EYS: variants seen among roughly 807,000 people sequenced by gnomAD.
The protein encoded by EYS is EGF-like photoreceptor maintenance factor, also known as protein eyes shut homolog.
In EYS, 250 loss-of-function variants were observed where a neutral mutation model predicts 282.1. The observed-to-expected ratio is 0.89, with a 90% confidence interval of 0.80 to 0.98. The LOEUF (loss-of-function observed/expected upper bound fraction) is 0.98, where lower values mean the gene tolerates loss of function less well. Among genes scored for constraint, EYS ranks in the 50% least tolerant of loss-of-function variants. EYS has a pLI of 0.00. For missense variants in EYS, 4,016 were observed against 3,709.0 expected, an observed-to-expected ratio of 1.08 and a Z score of -2.15; for synonymous variants, 1,355 against 1,282.9, an observed-to-expected ratio of 1.06 and a Z score of -1.20.
chr6:65,592,268 A>G (rs1176974600), intron 2 of EYS, among the ~76,000 whole-genome samples: 1 of 151,994 alleles, frequency 6.6e-6, no homozygotes, highest in African/African-American at 2.4e-5. Flanking sequence ...TTGATTGATT[A>G]ATTTTGGATT....
At chr6:64,506,887 C>A (rs1777225227) in intron 26 of EYS, among the ~76,000 whole-genome samples, 2 of 121,636 alleles carry the variant, frequency 1.6e-5, no homozygotes, top group Non-Finnish European at 3.2e-5. Context: ...CCAACCTGGG[C>A]GATAAAGCGA....
intron 29 of EYS, among the ~76,000 whole-genome samples, chr6:64,350,522 A>G (rs1298220748): frequency 1.3e-5 from 2 of 151,498 alleles, no homozygotes. Context: ...ATCTGGGCAT[A>G]AGAGGCTGAT....
At chr6:64,079,724 C>A (rs1771896861) in intron 32 of EYS, among the ~76,000 whole-genome samples, 1 of 152,122 alleles carries the variant, frequency 6.6e-6, no homozygotes, top group African/African-American at 2.4e-5. Context: ...GCTCCCCGCT[C>A]CCCTGATACC....
chr6:64,417,977 T>C (rs34720667), intron 28 of EYS, among the ~76,000 whole-genome samples: 42,194 of 152,150 alleles, frequency 0.28, 5,978 homozygotes, highest in East Asian at 0.46. Context: ...TGGCCTACGG[T>C]CTTGCTATTA....
chr6:65,395,514 G>C (rs1301092086), intron 7 of EYS, among the ~76,000 whole-genome samples: 1 of 152,148 alleles, frequency 6.6e-6, no homozygotes, highest in Non-Finnish European at 1.5e-5. Context: ...ACCTTGCACA[G>C]TTATCATTTG....
intron 12 of EYS, among the ~76,000 whole-genome samples, chr6:65,181,450 T>C (rs917183578): frequency 1.3e-5 from 2 of 151,998 alleles, no homozygotes; most frequent in Non-Finnish European, 2.9e-5. Context: ...AAAAGACACA[T>C]GAAAAAATGC....
intron 15 of EYS, among the ~76,000 whole-genome samples, chr6:64,945,130 A>G (rs192048111): frequency 0.013 from 1,895 of 151,128 alleles, 18 homozygotes; most frequent in African/African-American, 0.044. Flanking sequence ...CTATTAAAAA[A>G]AAAAAAAAAA....
intron 22 of EYS, among the ~76,000 whole-genome samples, chr6:64,633,407 T>C (rs969963692): frequency 6.6e-5 from 10 of 152,080 alleles, no homozygotes; most frequent in African/African-American, 2.4e-4. Flanking sequence ...TTAAACTTCA[T>C]TAATTTGAAA....
At chr6:64,211,920 A>T (rs1168525176) in intron 31 of EYS, among the ~76,000 whole-genome samples, 1 of 151,788 alleles carries the variant, frequency 6.6e-6, no homozygotes, top group Non-Finnish European at 1.5e-5. Context: ...GTTTGAGACC[A>T]GCTTGGCCAA....
intron 5 of EYS, among the ~76,000 whole-genome samples, chr6:65,410,506 A>T (rs1289726686): frequency 2.6e-5 from 4 of 151,276 alleles, no homozygotes; most frequent in Admixed American, 2.6e-4. Flanking sequence ...ATCTCATTGT[A>T]CTTTGTACCT....
intron 31 of EYS, among the ~76,000 whole-genome samples, chr6:64,100,569 G>T (rs75906481): frequency 0.02 from 3,080 of 151,844 alleles, 81 homozygotes; most frequent in African/African-American, 0.061. Context: ...TTATTATGTG[G>T]TTTTTTTATT....
At chr6:64,605,947 G>T (rs1177275903) in intron 24 of EYS, among the ~76,000 whole-genome samples, 6 of 151,892 alleles carry the variant, frequency 4.0e-5, no homozygotes, top group Admixed American at 2.6e-4. Flanking sequence ...CTGCTCATAA[G>T]AAAAGACATT....
intron 31 of EYS, among the ~76,000 whole-genome samples, chr6:64,210,286 A>C (rs553282568): frequency 6.6e-6 from 1 of 152,280 alleles, no homozygotes; most frequent in Non-Finnish European, 1.5e-5. Flanking sequence ...TAGCTTAAAA[A>C]ATATTTATTT....
Position 64,818,280 on chromosome 6 carries a change from T to C in EYS, c.3243+3365A>G, listed in dbSNP as rs533136128. On this transcript the variant is annotated intron_variant, in intron 21 of 42. Coordinates refer to ENST00000503581, the MANE Select transcript of EYS (RefSeq NM_001142800.2). ...CATTTTTTTCACTAGTCATGGCATA[T>C]GTTCTCTCCCCAGGCATGCATTTGC... 4.6e-5 allele frequency among the ~76,000 whole-genome samples: 7 copies of C among 152,300 alleles called. 1 individual carries two copies. The highest frequency in any genetic ancestry group is 1.7e-4 in the African/African-American group (7 of 41,582).
chr6:65,012,133 A>G (rs1452357795), intron 13 of EYS, among the ~76,000 whole-genome samples: 3 of 152,222 alleles, frequency 2.0e-5, no homozygotes, highest in Non-Finnish European at 4.4e-5. Context: ...TCTTAATAGA[A>G]ATACTTCAAT....
In EYS at chr6:65,287,654, G is replaced by A. The variant is rs144536732; in HGVS notation, c.2023+8209C>T. Reference sequence around the variant, plus strand: ...ATTCTGAAAAAAAACGAAACAAAACGTGTTGTACTAAAGAGCTGCCATCTA... The same window carrying A: ...ATTCTGAAAAAAAACGAAACAAAACATGTTGTACTAAAGAGCTGCCATCTA... On this transcript the variant is annotated intron_variant, in intron 12 of 42. Coordinates refer to ENST00000503581, the MANE Select transcript of EYS (RefSeq NM_001142800.2). Among the ~76,000 whole-genome samples the A allele has an allele frequency of 3.0e-3, 455 of 151,368 alleles. 2 individuals are homozygous for A. The highest frequency in any genetic ancestry group is 0.01 in the African/African-American group (418 of 41,432).
chr6:65,477,010 G>C (rs763317698), intron 5 of EYS, among the ~76,000 whole-genome samples: 3 of 152,012 alleles, frequency 2.0e-5, no homozygotes, highest in Non-Finnish European at 4.4e-5. Flanking sequence ...AATCCAGTAT[G>C]GTATCTATTG....
chr6:65,488,453 A>T (rs904470104), intron 5 of EYS, among the ~76,000 whole-genome samples: 4 of 152,122 alleles, frequency 2.6e-5, no homozygotes, highest in African/African-American at 9.7e-5. Context: ...AAAACTATAA[A>T]CCACTGCTCA....
At chr6:63,982,724 G>A (rs532435945) in intron 35 of EYS, among the ~76,000 whole-genome samples, 3 of 151,888 alleles carry the variant, frequency 2.0e-5, no homozygotes, top group Admixed American at 2.0e-4. Flanking sequence ...CACAGTCAGG[G>A]AGGGAGGATC....
Sources: gnomAD v4.1 joint callset for allele counts (sites outside exome capture counted in the v4.1 genomes callset) on GRCh38, gnomAD v4.1.1 for gene constraint, MANE v1.5 for transcripts, NCBI Gene and HGNC (gene_info 2026-07-23, HGNC 2026-07-21) for gene names.